Variants in IL22RA2 observed in about 807,000 individuals in gnomAD.
IL22RA2 encodes the protein interleukin-22 receptor subunit alpha-2.
In IL22RA2, 39 loss-of-function variants were observed where a neutral mutation model predicts 30.7. That is an observed-to-expected ratio of 1.27 (90% confidence interval 0.98 to 1.66). The LOEUF (loss-of-function observed/expected upper bound fraction) is 1.66. IL22RA2 is among the 40% of genes most tolerant of loss of function. The pLI is 0.00. For synonymous variants in IL22RA2, 103 were observed against 105.0 expected, an observed-to-expected ratio of 0.98 and a Z score of 0.11; for missense variants, 315 against 312.7, an observed-to-expected ratio of 1.01 and a Z score of -0.05.
intron 1 of IL22RA2, among the ~76,000 whole-genome samples, chr6:137,163,834 A>T (rs1273297454): frequency 6.6e-6 from 1 of 152,072 alleles, no homozygotes; most frequent in Admixed American, 6.5e-5. Flanking sequence ...TGTAAAAGAG[A>T]TGGTCTCGGG....
intron 6 of IL22RA2, 22 bp from the exon 7 acceptor site, chr6:137,145,795 A>T: frequency 1.2e-6 from 2 of 1,613,444 alleles, no homozygotes; most frequent in Non-Finnish European, 8.5e-7. Context: ...AGAGAAAATA[A>T]TCAGTTGGTA....
At chr6:137,156,990 T>C in intron 3 of IL22RA2, 136 bp from the exon 4 acceptor site, 1 of 1,230,798 alleles carries the variant, frequency 8.1e-7, no homozygotes, top group Non-Finnish European at 1.1e-6. Flanking sequence ...CTCACTCAAC[T>C]GCAGCAATAA....
rs1778146067 is a variant in IL22RA2 at position 137,145,019 on chromosome 6, A to ATCATAAGATTTATGTAAATAAG, written c.*604_*605insCTTATTTACATAAATCTTATGA. 1 of 151,812 alleles carries ATCATAAGATTTATGTAAATAAG rather than the reference A, an allele frequency of 6.6e-6. No homozygotes were observed. The allele number at this position is 151,812 out of a possible 1,614,324, so 9.4% of individuals were successfully genotyped here. The stretch of plus-strand genomic sequence containing the variant: ...GAAATCATAAGATTTTTTTCCCCAA[A>ATCATAAGATTTATGTAAATAAG]ACCTGTTCTTATTTACATAAAGTAG... On this transcript the variant is annotated 3_prime_UTR_variant, in exon 7 of 7. Coordinates refer to ENST00000296980, the MANE Select transcript of IL22RA2 (RefSeq NM_052962.3).
At chr6:137,150,428 T>A (rs1434754978) in intron 5 of IL22RA2, among the ~76,000 whole-genome samples, 2 of 151,466 alleles carry the variant, frequency 1.3e-5, no homozygotes, top group African/African-American at 2.4e-5. Flanking sequence ...CGAAATAAAA[T>A]GGCTTTTTAA....
intron 1 of IL22RA2, among the ~76,000 whole-genome samples, chr6:137,170,012 T>C (rs986033050): frequency 6.6e-6 from 1 of 152,204 alleles, no homozygotes; most frequent in African/African-American, 2.4e-5. Context: ...AAAACTGTAA[T>C]ACTAGGCTTT....
intron 1 of IL22RA2, among the ~76,000 whole-genome samples, chr6:137,170,587 A>C (rs1778713943): frequency 2.0e-5 from 3 of 152,192 alleles, no homozygotes; most frequent in South Asian, 2.1e-4. Flanking sequence ...TTCCCGCCTC[A>C]CGTAGTTCCC....
chr6:137,156,616 T>A, intron 4 of IL22RA2, 143 bp downstream of exon 4: 2 of 1,092,610 alleles, frequency 1.8e-6, no homozygotes, highest in Non-Finnish European at 2.6e-6. Context: ...AATTATAAAT[T>A]TGTCTTGTGC....
chr6:137,152,489 A>G (rs1778310637), intron 5 of IL22RA2, among the ~76,000 whole-genome samples: 2 of 152,210 alleles, frequency 1.3e-5, no homozygotes, highest in South Asian at 4.1e-4. Flanking sequence ...ATATTAGTCT[A>G]TCTAGAACAG....
At chr6:137,168,873 T>C (rs1017007834) in intron 1 of IL22RA2, among the ~76,000 whole-genome samples, 23 of 152,284 alleles carry the variant, frequency 1.5e-4, no homozygotes, top group African/African-American at 5.3e-4. Flanking sequence ...ACAGTTCAGG[T>C]TTTATAAATC....
chr6:137,155,625 G>T (rs1017850747), intron 4 of IL22RA2, among the ~76,000 whole-genome samples: 1 of 151,748 alleles, frequency 6.6e-6, no homozygotes, highest in Non-Finnish European at 1.5e-5. Context: ...CCATTCATGG[G>T]GGCAGAATCC....
intron 2 of IL22RA2, among the ~76,000 whole-genome samples, chr6:137,159,434 C>T (rs1293743218): frequency 6.6e-6 from 1 of 152,064 alleles, no homozygotes; most frequent in African/African-American, 2.4e-5. Context: ...GATTCTCCTG[C>T]CTCAGCCTCC....
chr6:137,166,460 C>T (rs1288671800), intron 1 of IL22RA2, among the ~76,000 whole-genome samples: 1 of 152,182 alleles, frequency 6.6e-6, no homozygotes, highest in East Asian at 1.9e-4. Flanking sequence ...AAGTAGCAGT[C>T]ATCCATTGCA....
intron 5 of IL22RA2, among the ~76,000 whole-genome samples, chr6:137,153,613 C>T (rs1381762121): frequency 1.3e-5 from 2 of 152,122 alleles, no homozygotes; most frequent in Non-Finnish European, 2.9e-5. Context: ...TCTCTCCTGA[C>T]CATTTGGAGC....
chr6:137,168,934 T>C (rs116379528), intron 1 of IL22RA2, among the ~76,000 whole-genome samples: 64 of 152,324 alleles, frequency 4.2e-4, no homozygotes, highest in African/African-American at 1.5e-3. Flanking sequence ...ATTCCTCCTA[T>C]ATCAACTGAA....
intron 1 of IL22RA2, among the ~76,000 whole-genome samples, chr6:137,164,753 G>A (rs781435489): frequency 5.9e-5 from 9 of 152,208 alleles, no homozygotes; most frequent in Non-Finnish European, 1.2e-4. Flanking sequence ...CAATGCAGAT[G>A]CCACTCTGAG....
At chr6:137,156,245 GT>G (rs1345359180) in intron 4 of IL22RA2, among the ~76,000 whole-genome samples, 4 of 152,206 alleles carry the variant, frequency 2.6e-5, no homozygotes, top group African/African-American at 4.8e-5. Context: ...ATGTAACAAA[GT>G]GATGGTGGGG....
intron 2 of IL22RA2, among the ~76,000 whole-genome samples, chr6:137,159,414 G>A (rs750989538): frequency 4.0e-5 from 6 of 151,880 alleles, no homozygotes; most frequent in African/African-American, 1.2e-4. Flanking sequence ...TCTGCCTCCC[G>A]GATTCAAGCG....
chr6:137,171,209 G>A (rs1778728070), intron 1 of IL22RA2, among the ~76,000 whole-genome samples: 1 of 152,194 alleles, frequency 6.6e-6, no homozygotes, highest in Non-Finnish European at 1.5e-5. Context: ...CAAGGATGCA[G>A]CAGCAGATAA....
intron 4 of IL22RA2, among the ~76,000 whole-genome samples, 155 bp downstream of exon 4, chr6:137,156,604 A>C (rs1391426757): frequency 2.0e-5 from 3 of 152,248 alleles, no homozygotes; most frequent in Admixed American, 2.0e-4. Flanking sequence ...GAAAGTTTTC[A>C]AAATTATAAA....
Sources: allele counts gnomAD v4.1 joint callset (sites outside exome capture counted in the v4.1 genomes callset), GRCh38; gene constraint gnomAD v4.1.1; transcripts MANE v1.5; gene names NCBI Gene and HGNC (gene_info 2026-07-23, HGNC 2026-07-21).